Variants in CDKN2B-AS1 observed in about 807,000 individuals in gnomAD.
The protein encoded by CDKN2B-AS1 is CDKN2B and CDKN2A antisense cis and trans regulatory RNA 1, also known as CDKN2B antisense RNA 1 (non-protein coding).
chr9:22,020,183 T>C (rs1821957228), intron 1 of CDKN2B-AS1, among the ~76,000 whole-genome samples: 1 of 152,208 alleles, frequency 6.6e-6, no homozygotes, highest in Non-Finnish European at 1.5e-5. Context: ...TCCATCCATG[T>C]CCCTGCAAAA....
At chr9:22,023,813 T>A (rs570688397) in intron 1 of CDKN2B-AS1, among the ~76,000 whole-genome samples, 1 of 152,298 alleles carries the variant, frequency 6.6e-6, no homozygotes, top group East Asian at 1.9e-4. Flanking sequence ...GTATTCTAGC[T>A]TTTTTATCTG....
chr9:22,030,138 C>T (rs562843365), intron 1 of CDKN2B-AS1: 1 of 152,320 alleles, frequency 6.6e-6, no homozygotes. Flanking sequence ...GAGATGTTGT[C>T]TTTTCTTGAG....
At chr9:22,025,298 C>T (rs969541667) in intron 1 of CDKN2B-AS1, among the ~76,000 whole-genome samples, 65 of 152,274 alleles carry the variant, frequency 4.3e-4, no homozygotes, top group African/African-American at 1.4e-3. Flanking sequence ...GATGGACTGG[C>T]CTCCTCTCCT....
chr9:22,059,842 A>G (rs549783888), intron 4 of CDKN2B-AS1, among the ~76,000 whole-genome samples: 2 of 152,344 alleles, frequency 1.3e-5, no homozygotes, highest in South Asian at 4.1e-4. Context: ...CCACAGGGTC[A>G]ACACCACGTG....
intron 1 of CDKN2B-AS1, among the ~76,000 whole-genome samples, chr9:22,016,032 C>T (rs999882926): frequency 6.6e-6 from 1 of 152,032 alleles, no homozygotes; most frequent in Non-Finnish European, 1.5e-5. Context: ...AAATTTTCTC[C>T]CATTTTGTAG....
chr9:21,999,160 G>T lies in CDKN2B-AS1; in HGVS notation n.29+3999G>T, dbSNP rs914958981. On this transcript the variant is annotated intron_variant and non_coding_transcript_variant, in intron 1 of 4. Transcript: ENST00000650946. The surrounding 1 kb of genome is among the most constrained non-coding windows in gnomAD (Gnocchi z 4.7). ...ACAATCACTCTTACTATTACAACTT[G>T]GTGTAATTGTTTTGAAAGGCAGCAT... 3.8e-4 allele frequency among the ~76,000 whole-genome samples: 57 copies of T among 151,954 alleles called. No individual in the cohort carries two copies. The highest frequency in any genetic ancestry group is 7.9e-4 in the Admixed American group (12 of 15,248).
intron 4 of CDKN2B-AS1, among the ~76,000 whole-genome samples, chr9:22,121,410 G>A (rs72654281): frequency 2.6e-5 from 4 of 151,842 alleles, no homozygotes; most frequent in Admixed American, 6.6e-5. Context: ...ACATAGTGGC[G>A]CTTTGATATA....
At chr9:22,029,705 A>T in intron 1 of CDKN2B-AS1, 1 of 436,350 alleles carries the variant, frequency 2.3e-6, no homozygotes, top group Non-Finnish European at 4.0e-6. Flanking sequence ...AAATATTTTG[A>T]TGACCTGTTT....
chr9:22,011,655 T>C (rs1276874736), intron 1 of CDKN2B-AS1, among the ~76,000 whole-genome samples: 1 of 152,202 alleles, frequency 6.6e-6, no homozygotes, highest in Non-Finnish European at 1.5e-5. Context: ...CTACACTGTG[T>C]TTTCCAGATG....
intron 4 of CDKN2B-AS1, among the ~76,000 whole-genome samples, chr9:22,116,229 T>G (rs1382513391): frequency 6.6e-6 from 1 of 152,234 alleles, no homozygotes; most frequent in Non-Finnish European, 1.5e-5. Context: ...GATATGTATA[T>G]CTGTTTGATA....
At chr9:22,126,381 G>A (rs1453061038) in intron 4 of CDKN2B-AS1, among the ~76,000 whole-genome samples, 1 of 151,972 alleles carries the variant, frequency 6.6e-6, no homozygotes, top group African/African-American at 2.4e-5. Context: ...TCTTTTGTAG[G>A]TTTATTTTTT....
Position 22,001,837 on chromosome 9 carries a change from C to T in CDKN2B-AS1, n.29+6676C>T, listed in dbSNP as rs560053069. Among the ~76,000 whole-genome samples, 28 of 152,142 alleles carry T rather than the reference C, an allele frequency of 1.8e-4. No individual in the cohort carries two copies. Among genetic ancestry groups the T allele is most frequent in the Admixed American group, 1.4e-3 (21 of 15,286 alleles). ...TAGAGATGTTACATGAGTTAGCACT[C>T]ATATATTGAATTAGTTAAGGAACCA... is the stretch of plus-strand genomic sequence containing the variant. On this transcript the variant is annotated intron_variant and non_coding_transcript_variant, in intron 1 of 4. Transcript: ENST00000650946. This position sits in a 1 kb window ranked among gnomAD's most constrained non-coding sequence, Gnocchi z 4.2.
Position 21,995,143 on chromosome 9 carries a change from C to A in CDKN2B-AS1, n.11C>A, listed in dbSNP as rs1281070791. ...GCTGGCGCTGCCGGAGCTGTCGACC[C>A]GGCCTGGCGCCGGACTAGGTAGGTG... On this transcript the variant is annotated non_coding_transcript_exon_variant, in exon 1 of 5. Coordinates refer to ENST00000650946, the Ensembl canonical transcript of CDKN2B-AS1. This position sits in a 1 kb window ranked among gnomAD's most constrained non-coding sequence, Gnocchi z 5.7. 1 of 152,216 alleles carries A rather than the reference C, an allele frequency of 6.6e-6. No homozygotes were observed. Among genetic ancestry groups the A allele is most frequent in the Non-Finnish European group, 1.5e-5 (1 of 68,046 alleles). 9.4% of individuals were successfully genotyped at this position (152,216 alleles called of 1,614,324 possible).
At chr9:22,049,429 A>G (rs1823243663) in intron 3 of CDKN2B-AS1, among the ~76,000 whole-genome samples, 1 of 152,156 alleles carries the variant, frequency 6.6e-6, no homozygotes, top group Admixed American at 6.5e-5. Context: ...TCTGGGTATA[A>G]GTCCGAAAGG....
intron 4 of CDKN2B-AS1, among the ~76,000 whole-genome samples, chr9:22,086,183 A>C (rs890780808): frequency 6.6e-6 from 1 of 152,234 alleles, no homozygotes; most frequent in African/African-American, 2.4e-5. Flanking sequence ...CAGAATAGAT[A>C]CAAAGAACTT....
intron 1 of CDKN2B-AS1, among the ~76,000 whole-genome samples, chr9:22,016,832 G>A (rs1159128063): frequency 6.6e-6 from 1 of 152,130 alleles, no homozygotes; most frequent in Admixed American, 6.5e-5. Context: ...ATCTTTCAAA[G>A]GTGACTAATG....
In CDKN2B-AS1 at chr9:22,093,730, A is replaced by T. The variant is rs200834900; in HGVS notation, n.439-33373A>T. 3.1e-4 allele frequency among the ~76,000 whole-genome samples: 45 copies of T among 143,164 alleles called. 3 individuals are homozygous for T. Among genetic ancestry groups the T allele is most frequent in the Non-Finnish European group, 5.0e-4 (34 of 67,636 alleles). 93.9% of individuals were successfully genotyped at this position (143,164 alleles called of 152,430 possible). ...TGTGTGTTTCTGCACATGAGATGGG[A>T]TTCCTGAATACAGCACACTGATGGG... On this transcript the variant is annotated intron_variant and non_coding_transcript_variant, in intron 4 of 4. Coordinates refer to ENST00000650946, the Ensembl canonical transcript of CDKN2B-AS1.
intron 4 of CDKN2B-AS1, among the ~76,000 whole-genome samples, chr9:22,063,107 A>C (rs1207721815): frequency 1.3e-5 from 2 of 152,062 alleles, no homozygotes; most frequent in Non-Finnish European, 2.9e-5. Flanking sequence ...AATGGTGCTT[A>C]GGAGAGAGAT....
intron 4 of CDKN2B-AS1, among the ~76,000 whole-genome samples, chr9:22,097,026 G>A (rs923826948): frequency 2.0e-5 from 3 of 152,036 alleles, no homozygotes; most frequent in Non-Finnish European, 2.9e-5. Flanking sequence ...CACTTCTCTG[G>A]GCTTATGTGG....
Sources: allele counts gnomAD v4.1 joint callset (sites outside exome capture counted in the v4.1 genomes callset), GRCh38; gene constraint gnomAD v4.1.1; non-coding constraint Gnocchi (gnomAD v3.1); transcripts MANE v1.5; gene names NCBI Gene and HGNC (gene_info 2026-07-23, HGNC 2026-07-21).